Variants in LSM12 observed in about 807,000 individuals in gnomAD.
LSM12 encodes protein LSM12.
For missense variants in LSM12, 108 were observed against 238.9 expected (o/e 0.45, Z 3.61); for synonymous variants, 74 against 87.3 (o/e 0.85, Z 0.85).
chr17:44,063,826 G>T lies in LSM12; in HGVS notation c.233C>A (p.Pro78His). Residue 78 changes from proline to histidine, a missense_variant, in exon 2 of 5, where the codon CCC becomes CAC. Transcript: ENST00000293406. ...CTTACTAACATTGAGTGAAGCTAGG[G>T]GAGGAGGGGTTTCTGTTCGGTCATT... Reference protein sequence around the residue: ...IINDRTETPPPLASLNVSKLA... With the variant: ...IINDRTETPPHLASLNVSKLA... The T allele has an allele frequency of 6.2e-7, 1 of 1,613,870 alleles. No homozygotes were observed. Among genetic ancestry groups the T allele is most frequent in the Non-Finnish European group, 8.5e-7 (1 of 1,179,984 alleles).
chr17:44,045,592 A>T (rs2049552144), intron 2 of LSM12, among the ~76,000 whole-genome samples: 1 of 152,124 alleles, frequency 6.6e-6, no homozygotes, highest in Non-Finnish European at 1.5e-5. Flanking sequence ...GTTTTCTGAA[A>T]CAGAGTCTCA....
chr17:44,055,672 C>T (rs12452964), intron 2 of LSM12, among the ~76,000 whole-genome samples: 21,505 of 144,408 alleles, frequency 0.15, 1,995 homozygotes, highest in Non-Finnish European at 0.2. Context: ...GAGACCCTGT[C>T]TCAAATATAT....
intron 2 of LSM12, among the ~76,000 whole-genome samples, chr17:44,053,441 C>T (rs993416466): frequency 1.3e-5 from 2 of 152,122 alleles, no homozygotes; most frequent in African/African-American, 4.8e-5. Context: ...TAGTGCAGAG[C>T]GGGTCTCACC....
chr17:44,046,403 T>G (rs193191794), intron 2 of LSM12, among the ~76,000 whole-genome samples: 80 of 151,956 alleles, frequency 5.3e-4, no homozygotes, highest in Non-Finnish European at 9.7e-4. Flanking sequence ...GCTAGTGAAG[T>G]TTCCTTAAAA....
At chr17:44,038,124 A>C (rs888713321) in intron 3 of LSM12, among the ~76,000 whole-genome samples, 14 of 151,976 alleles carry the variant, frequency 9.2e-5, no homozygotes, top group Non-Finnish European at 2.1e-4. Context: ...CGAGGTGGGT[A>C]GATTGCTTGA....
intron 2 of LSM12, among the ~76,000 whole-genome samples, chr17:44,053,202 G>A (rs1248355544): frequency 6.6e-6 from 1 of 152,174 alleles, no homozygotes; most frequent in East Asian, 1.9e-4. Context: ...ACAGCCTCCT[G>A]TGGGCCAAAT....
chr17:44,041,290 A>AACACACAC (rs72358942), intron 2 of LSM12, among the ~76,000 whole-genome samples: 3 of 110,464 alleles, frequency 2.7e-5, no homozygotes, highest in African/African-American at 9.9e-5. Flanking sequence ...AAAAAAAACA[A>AACACACAC]ACACACACAC....
upstream of LSM12, chr17:44,066,682 C>T: frequency 8.1e-7 from 1 of 1,238,248 alleles, no homozygotes; most frequent in South Asian, 3.6e-5. Flanking sequence ...GCGCACGGAG[C>T]GTGCTTGCGT....
chr17:44,054,921 C>T (rs374396768), intron 2 of LSM12, among the ~76,000 whole-genome samples: 30 of 151,958 alleles, frequency 2.0e-4, no homozygotes, highest in African/African-American at 7.0e-4. Flanking sequence ...TCACTGCAAC[C>T]TCTGCCTCCC....
intron 2 of LSM12, among the ~76,000 whole-genome samples, chr17:44,056,135 T>C (rs1388317814): frequency 6.6e-6 from 1 of 151,620 alleles, no homozygotes. Context: ...TAGCCGGGCA[T>C]GCTGGTGCAT....
chr17:44,066,417 G>A (rs959761806), intron 1 of LSM12, 47 bp downstream of exon 1: 4 of 1,498,894 alleles, frequency 2.7e-6, no homozygotes, highest in East Asian at 2.8e-5. Context: ...CCCGACCACC[G>A]CACCTACACG....
intron 2 of LSM12, among the ~76,000 whole-genome samples, chr17:44,058,558 C>T (rs1387619131): frequency 1.3e-5 from 2 of 151,952 alleles, no homozygotes; most frequent in African/African-American, 4.8e-5. Flanking sequence ...CTAGGCTGGG[C>T]GCGGTGGCTC....
intron 2 of LSM12, among the ~76,000 whole-genome samples, chr17:44,058,142 C>T (rs1433402706): frequency 6.6e-6 from 1 of 151,638 alleles, no homozygotes; most frequent in Non-Finnish European, 1.5e-5. Context: ...GAGGCTGAGG[C>T]AGGAGAATGG....
intron 3 of LSM12, 51 bp downstream of exon 3, chr17:44,040,096 C>T: frequency 7.0e-7 from 1 of 1,420,920 alleles, no homozygotes; most frequent in South Asian, 1.2e-5. Context: ...CCAGACAGCA[C>T]AACCAGGTAG....
At chr17:44,052,124 T>C (rs1281122672) in intron 2 of LSM12, among the ~76,000 whole-genome samples, 1 of 151,388 alleles carries the variant, frequency 6.6e-6, no homozygotes, top group African/African-American at 2.4e-5. Flanking sequence ...TTTAAAAAGT[T>C]TAAATTAGCC....
intron 2 of LSM12, among the ~76,000 whole-genome samples, chr17:44,046,952 G>A (rs192533308): frequency 6.0e-5 from 9 of 150,474 alleles, no homozygotes; most frequent in Non-Finnish European, 1.3e-4. Flanking sequence ...GGCTGGTCTC[G>A]AACTCCTGAC....
In LSM12 at chr17:44,037,400, T is replaced by C. The variant is rs1374209533; in HGVS notation, c.495+12A>G. 1 of 1,582,546 alleles carries C rather than the reference T, an allele frequency of 6.3e-7. No homozygotes were observed. The highest frequency in any genetic ancestry group is 2.3e-5 in the East Asian group (1 of 43,866). On this transcript the variant is annotated intron_variant, in intron 4 of 4. Transcript: ENST00000293406. ...CCTCTCTCCCCTAAAGTCTGAAGGC[T>C]CCTTTACTTACTATTTTGCGTACAT...
At chr17:44,060,089 C>T (rs1413265595) in intron 2 of LSM12, among the ~76,000 whole-genome samples, 1 of 152,132 alleles carries the variant, frequency 6.6e-6, no homozygotes, top group East Asian at 1.9e-4. Context: ...GGCATGAACC[C>T]GGGAGGTGGA....
intron 2 of LSM12, among the ~76,000 whole-genome samples, chr17:44,051,799 C>T (rs1282449353): frequency 6.6e-6 from 1 of 151,952 alleles, no homozygotes; most frequent in African/African-American, 2.4e-5. Flanking sequence ...CATAGCAAGG[C>T]CCCTGACTCT....
Sources: allele counts gnomAD v4.1 joint callset (sites outside exome capture counted in the v4.1 genomes callset), GRCh38; gene constraint gnomAD v4.1.1; transcripts MANE v1.5; gene names NCBI Gene and HGNC (gene_info 2026-07-23, HGNC 2026-07-21).